The following ROBO2 variants were observed in gnomAD, a reference collection of about 807,000 sequenced individuals.
The protein encoded by ROBO2 is roundabout guidance receptor 2.
A neutral mutation model predicts 160.8 loss-of-function variants in ROBO2; 53 were observed. The observed-to-expected ratio is 0.33, with a 90% CI of 0.26 to 0.41. The LOEUF (loss-of-function observed/expected upper bound fraction) is 0.41, where lower values mean the gene tolerates loss of function less well. Ranked by LOEUF, ROBO2 falls within the 10% of genes least tolerant of loss-of-function variation. The pLI, the probability that ROBO2 is intolerant of heterozygous loss-of-function variation, is 1.00. For missense variants in ROBO2, 1,577 were observed against 1,722.4 expected (o/e 0.92, Z 1.49); for synonymous variants, 664 against 611.7 (o/e 1.09, Z -1.26).
At chr3:76,067,613 C>T (rs1160251746) in intron 2 of ROBO2, among the ~76,000 whole-genome samples, 1 of 152,006 alleles carries the variant, frequency 6.6e-6, no homozygotes, top group Admixed American at 6.6e-5. Context: ...TTTATCTGTA[C>T]TTGGTGTCAT....
intron 4 of ROBO2, among the ~76,000 whole-genome samples, chr3:77,481,789 G>T (rs1293083701): frequency 6.6e-6 from 1 of 152,038 alleles, no homozygotes; most frequent in Non-Finnish European, 1.5e-5. Flanking sequence ...CTCCTTAGCT[G>T]GTTAAATGCA....
intron 2 of ROBO2, among the ~76,000 whole-genome samples, chr3:76,109,075 T>C (rs898564947): frequency 1.3e-5 from 2 of 152,002 alleles, no homozygotes; most frequent in African/African-American, 4.8e-5. Flanking sequence ...ATGCTGCTAC[T>C]GGTTTTTAAA....
At chr3:76,025,381 G>T (rs1413847238) in intron 2 of ROBO2, among the ~76,000 whole-genome samples, 1 of 151,608 alleles carries the variant, frequency 6.6e-6, no homozygotes, top group Non-Finnish European at 1.5e-5. Flanking sequence ...GATTGATTTT[G>T]AAGTGAAGCT....
At chr3:77,087,768 A>T (rs2069528688) in intron 1 of ROBO2, among the ~76,000 whole-genome samples, 1 of 152,054 alleles carries the variant, frequency 6.6e-6, no homozygotes. Context: ...ATGTGTGTAT[A>T]CATGTATATA....
At chr3:75,942,423 G>T (rs1046209358) in intron 2 of ROBO2, among the ~76,000 whole-genome samples, 35 of 152,040 alleles carry the variant, frequency 2.3e-4, no homozygotes, top group African/African-American at 8.5e-4. Context: ...CTGTATAATA[G>T]AAGTCAGTGT....
chr3:75,913,177 C>T (rs1439033664), intron 1 of ROBO2, among the ~76,000 whole-genome samples: 1 of 152,106 alleles, frequency 6.6e-6, no homozygotes, highest in Non-Finnish European at 1.5e-5. Context: ...GCTTTTATTT[C>T]TGTTCCTTTC....
At chr3:76,038,618 G>A (rs1014465655) in intron 2 of ROBO2, among the ~76,000 whole-genome samples, 5 of 151,926 alleles carry the variant, frequency 3.3e-5, no homozygotes, top group Middle Eastern at 3.4e-3. Flanking sequence ...AGCTGCATCC[G>A]GCCCACTTTC....
intron 2 of ROBO2, among the ~76,000 whole-genome samples, chr3:76,562,399 C>G (rs1419757776): frequency 2.0e-5 from 3 of 151,812 alleles, no homozygotes; most frequent in Non-Finnish European, 4.4e-5. Flanking sequence ...CCATTTTTGT[C>G]TTTCAAGCTT....
intron 2 of ROBO2, among the ~76,000 whole-genome samples, chr3:76,746,327 A>C (rs1042537324): frequency 3.9e-5 from 6 of 151,910 alleles, no homozygotes; most frequent in South Asian, 2.1e-4. Context: ...AGCATGATTT[A>C]TAGTCCTTTG....
At chr3:77,064,259 G>T (rs1387903846) in intron 1 of ROBO2, among the ~76,000 whole-genome samples, 31 of 150,878 alleles carry the variant, frequency 2.1e-4, no homozygotes, top group Admixed American at 2.0e-3. Context: ...AAGTTTGTAA[G>T]ACAAAATTCA....
chr3:77,144,825 A>G lies in ROBO2; in HGVS notation c.388+46485A>G, dbSNP rs184357130. Reference sequence around the variant, plus strand: ...AAACTTAAATATAATTTAGTTTTCTATCAGGCCTCAAATACCAGATAGTTG... The same window carrying G: ...AAACTTAAATATAATTTAGTTTTCTGTCAGGCCTCAAATACCAGATAGTTG... On this transcript the variant is annotated intron_variant, in intron 2 of 25. Coordinates refer to ENST00000461745, the Ensembl canonical transcript of ROBO2. 9.8e-5 allele frequency among the ~76,000 whole-genome samples: 15 copies of G among 152,342 alleles called. 1 individual carries two copies. Among genetic ancestry groups the G allele is most frequent in the Admixed American group, 5.9e-4 (9 of 15,300 alleles).
intron 2 of ROBO2, among the ~76,000 whole-genome samples, chr3:76,407,831 G>T (rs539848777): frequency 1.4e-4 from 22 of 152,180 alleles, no homozygotes; most frequent in African/African-American, 5.3e-4. Flanking sequence ...GAACAAGCGA[G>T]TCCAACCCAT....
Position 76,875,036 on chromosome 3 carries a change from G to A in ROBO2, c.110-222978G>A, listed in dbSNP as rs115461145. On this transcript the variant is annotated intron_variant, in intron 2 of 26. Transcript: ENST00000487694. ...TGTTGAATGAAACTAATGGCCAAAA[G>A]AGGTGGGGCCTGAAGAAGTGATTAG... Among the ~76,000 whole-genome samples, 225 of 152,320 alleles carry A rather than the reference G, an allele frequency of 1.5e-3. 2 individuals are homozygous for A. The highest frequency in any genetic ancestry group is 5.0e-3 in the African/African-American group (209 of 41,574).
chr3:76,985,437 C>G (rs1319112443), intron 2 of ROBO2, among the ~76,000 whole-genome samples: 2 of 151,340 alleles, frequency 1.3e-5, no homozygotes, highest in Admixed American at 1.3e-4. Flanking sequence ...AAAAAATTAG[C>G]CGGGCGTGGT....
At chr3:76,550,953 T>C (rs1466193058) in intron 2 of ROBO2, among the ~76,000 whole-genome samples, 1 of 152,004 alleles carries the variant, frequency 6.6e-6, no homozygotes, top group Non-Finnish European at 1.5e-5. Context: ...GGCATGTTGA[T>C]GGCAGGAGGC....
chr3:76,252,742 AACGCATGTATATGTATACACAC>A (rs1706092620), intron 2 of ROBO2, among the ~76,000 whole-genome samples: 1 of 134,838 alleles, frequency 7.4e-6, no homozygotes, highest in Admixed American at 8.2e-5. Flanking sequence ...ATATATATAA[AACGCATGTATATGTATACACAC>A]ACACACACAC....
chr3:77,513,380 C>A (rs1433888783), intron 5 of ROBO2, among the ~76,000 whole-genome samples: 2 of 151,646 alleles, frequency 1.3e-5, no homozygotes, highest in Admixed American at 6.6e-5. Flanking sequence ...GTTTTCAATT[C>A]CTGTTTGATA....
chr3:77,291,532 G>A (rs1377595354), intron 2 of ROBO2, among the ~76,000 whole-genome samples: 1 of 151,234 alleles, frequency 6.6e-6, no homozygotes, highest in Non-Finnish European at 1.5e-5. Context: ...AGGGTAGGCT[G>A]AGGCTAGATC....
chr3:76,930,004 A>G (rs57738653), intron 2 of ROBO2, among the ~76,000 whole-genome samples: 5,149 of 152,024 alleles, frequency 0.034, 265 homozygotes, highest in African/African-American at 0.12. Flanking sequence ...ATCTTCTTGT[A>G]TATTACTTTG....
Sources: allele counts gnomAD v4.1 joint callset (sites outside exome capture counted in the v4.1 genomes callset), GRCh38; gene constraint gnomAD v4.1.1; transcripts MANE v1.5; gene names NCBI Gene and HGNC (gene_info 2026-07-23, HGNC 2026-07-21).